Variants in GPC3 observed in about 807,000 individuals in gnomAD.
GPC3 encodes the protein glypican-3.
Under a neutral mutation model 34.4 loss-of-function variants are expected in GPC3, and 3 were observed. The ratio of observed to expected loss-of-function variants is 0.09; its 90% CI spans 0.04 to 0.23. The LOEUF (loss-of-function observed/expected upper bound fraction) is 0.23. Ranked by LOEUF, GPC3 falls within the 10% of genes least tolerant of loss-of-function variation. The pLI is 1.00. For synonymous variants in GPC3, 177 were observed against 174.0 expected (o/e 1.02, Z -0.13); for missense variants, 351 against 445.6 (o/e 0.79, Z 1.91).
intron 7 of GPC3, among the ~76,000 whole-genome samples, chrX:133,538,886 AT>A (rs35105127): frequency 0.3 from 25,147 of 83,502 alleles, 6,080 homozygotes; most frequent in African/African-American, 0.73. Flanking sequence ...TATTATTTGT[AT>A]TTTTTTTTTT....
At chrX:133,710,680 G>A (rs984350922) in intron 3 of GPC3, among the ~76,000 whole-genome samples, 6 of 112,091 alleles carry the variant, frequency 5.4e-5, no homozygotes, top group Admixed American at 2.8e-4. Context: ...TTACCAATAG[G>A]TGGTACGTGA....
At chrX:133,808,689 A>G (rs2075648600) in intron 2 of GPC3, among the ~76,000 whole-genome samples, 1 of 110,680 alleles carries the variant, frequency 9.0e-6, no homozygotes, top group South Asian at 3.9e-4. Flanking sequence ...CATCTTCATG[A>G]GATTTTTGTG....
At chrX:133,691,692 AATAC>A (rs1396569976) in intron 5 of GPC3, among the ~76,000 whole-genome samples, 1 of 111,721 alleles carries the variant, frequency 9.0e-6, no homozygotes, top group Admixed American at 9.5e-5. Context: ...AAAGATAAAT[AATAC>A]ATACAAAGCA....
intron 6 of GPC3, among the ~76,000 whole-genome samples, chrX:133,598,117 T>C (rs749504339): frequency 3.9e-4 from 44 of 112,368 alleles, no homozygotes; most frequent in Non-Finnish European, 6.7e-4. Flanking sequence ...TGATAGCTTC[T>C]ATAAACATAA....
chrX:133,759,258 A>T (rs757213373), intron 2 of GPC3, among the ~76,000 whole-genome samples: 3 of 112,208 alleles, frequency 2.7e-5, no homozygotes, highest in Non-Finnish European at 3.8e-5. Flanking sequence ...TTTTGTGGAC[A>T]TCAATAGTAA....
chrX:133,810,425 A>G (rs938829605), intron 2 of GPC3, among the ~76,000 whole-genome samples: 4 of 112,344 alleles, frequency 3.6e-5, no homozygotes, highest in African/African-American at 1.3e-4. Flanking sequence ...TTCTGCAAGT[A>G]TCAGTGTAGC....
chrX:133,851,644 C>CTAG lies in GPC3; in HGVS notation c.338-97469_338-97468insCTA, dbSNP rs776321533. Among the ~76,000 whole-genome samples the CTAG allele has an allele frequency of 3.6e-5, 4 of 112,015 alleles. No individual in the cohort carries two copies. The East Asian group carries it at 1.1e-3, about 31-fold the overall frequency. On this transcript the variant is annotated intron_variant, in intron 2 of 7. Transcript: ENST00000370818. Reference sequence around the variant, plus strand: ...GGCATTAGTATAAGTTCTACTTTCTCTACCTGTTGTTTTCCCCCTCCCATA... The same window carrying CTAG: ...GGCATTAGTATAAGTTCTACTTTCTCTAGTACCTGTTGTTTTCCCCCTCCCATA...
chrX:133,735,180 A>G lies in GPC3; in HGVS notation c.1032+18302T>C, dbSNP rs1384490951. ...AAAACAATCTTGAAAAGAAGAGCAA[A>G]GTTGGAGAACTCACACTTCCCATTT... On this transcript the variant is annotated intron_variant, in intron 3 of 7. Transcript: ENST00000370818. Among the ~76,000 whole-genome samples, 9 of 111,727 alleles carry G rather than the reference A, an allele frequency of 8.1e-5. No homozygotes were observed. In the East Asian group the frequency reaches 2.0e-3, roughly 24 times the overall value.
Position 133,965,148 on chromosome X carries a change from A to C in GPC3, c.176-11937T>G, listed in dbSNP as rs768108440. ...AGAAGGCCCCAGAAAGCTCTCCTCTATATGGTGGGTTGAATGGTGTCACCC... is the reference window on the plus strand; with the variant it reads ...AGAAGGCCCCAGAAAGCTCTCCTCTCTATGGTGGGTTGAATGGTGTCACCC... On this transcript the variant is annotated intron_variant, in intron 1 of 7. Coordinates refer to ENST00000370818, the MANE Select transcript of GPC3 (RefSeq NM_004484.4). Among the ~76,000 whole-genome samples, 8 of 110,517 alleles carry C rather than the reference A, an allele frequency of 7.2e-5. No individual in the cohort carries two copies. The Admixed American group carries it at 7.7e-4, about 11-fold the overall frequency.
chrX:133,716,860 T>C (rs1751637025), intron 3 of GPC3, among the ~76,000 whole-genome samples: 1 of 111,967 alleles, frequency 8.9e-6, no homozygotes, highest in African/African-American at 3.2e-5. Context: ...CACATAATAA[T>C]CAAAATGTCA....
rs148268577 is a variant in GPC3 at position 133,956,722 on chromosome X, G to A, written c.176-3511C>T. The stretch of plus-strand genomic sequence containing the variant: ...GGAATGGTTGAGTTTATTTGGCAGG[G>A]TGACTGTTAGTACTGGTCCTATTCC... On this transcript the variant is annotated intron_variant, in intron 1 of 7. Transcript: ENST00000370818. Among the ~76,000 whole-genome samples, 908 of 111,822 alleles carry A rather than the reference G, an allele frequency of 8.1e-3. 14 individuals carry two copies. Among genetic ancestry groups the A allele is most frequent in the African/African-American group, 0.028 (871 of 30,799 alleles).
At chrX:133,981,867 A>G (rs184002191) in intron 1 of GPC3, among the ~76,000 whole-genome samples, 32 of 112,547 alleles carry the variant, frequency 2.8e-4, no homozygotes, top group African/African-American at 8.1e-4. Context: ...TTTTACCCAT[A>G]CAGGCATTTG....
chrX:133,818,798 T>C (rs1021365635), intron 2 of GPC3, among the ~76,000 whole-genome samples: 1 of 110,776 alleles, frequency 9.0e-6, no homozygotes, highest in Non-Finnish European at 1.9e-5. Flanking sequence ...TCTGAGAAGA[T>C]TCCCTATTTC....
chrX:133,549,336 T>C (rs1217305303), intron 7 of GPC3, among the ~76,000 whole-genome samples: 1 of 111,744 alleles, frequency 8.9e-6, no homozygotes, highest in Admixed American at 9.5e-5. Flanking sequence ...CAGAGAAAAC[T>C]CTTTTCCTGA....
intron 2 of GPC3, among the ~76,000 whole-genome samples, chrX:133,931,180 T>G (rs369285306): frequency 5.4e-4 from 60 of 111,462 alleles, no homozygotes; most frequent in East Asian, 2.3e-3. Context: ...CTAACGATAC[T>G]CGGTACATAG....
intron 2 of GPC3, among the ~76,000 whole-genome samples, chrX:133,907,458 C>G (rs186481692): frequency 1.8e-3 from 201 of 110,667 alleles, no homozygotes; most frequent in African/African-American, 6.6e-3. Context: ...AAAAAAAAAG[C>G]AAAAATAATT....
chrX:133,754,421 C>T (rs988612837), intron 2 of GPC3, among the ~76,000 whole-genome samples: 6 of 111,904 alleles, frequency 5.4e-5, no homozygotes, highest in South Asian at 3.7e-4. Flanking sequence ...CTTAAACACA[C>T]AAATTATATT....
At chrX:133,816,169 G>A (rs1387833362) in intron 2 of GPC3, among the ~76,000 whole-genome samples, 2 of 111,064 alleles carry the variant, frequency 1.8e-5, no homozygotes, top group Admixed American at 1.9e-4. Context: ...TCCCACCTCA[G>A]CCTTCCAAGT....
At position 133,591,862 on chromosome X, in the gene GPC3, C is replaced by T. The variant is rs111231387; in HGVS notation, c.1573+4578G>A. Among the ~76,000 whole-genome samples, 204 of 111,749 alleles carry T rather than the reference C, an allele frequency of 1.8e-3. 1 individual carries two copies. The highest frequency in any genetic ancestry group is 6.3e-3 in the African/African-American group (194 of 30,746). ...GACTTTTCTGGAGAAGTATGAACAG[C>T]GGTATGTCTCAGGGATCAGTGCTGG... On this transcript the variant is annotated intron_variant, in intron 7 of 7. Transcript: ENST00000370818.
Sources: allele counts gnomAD v4.1 joint callset (sites outside exome capture counted in the v4.1 genomes callset), GRCh38; gene constraint gnomAD v4.1.1; transcripts MANE v1.5; gene names NCBI Gene and HGNC (gene_info 2026-07-23, HGNC 2026-07-21).